The following ARMC2 variants were observed in gnomAD, a reference collection of about 807,000 sequenced individuals.
ARMC2 encodes armadillo repeat containing 2, also known as armadillo repeat-containing protein 2.
ARMC2 carries 67 observed loss-of-function variants against 90.3 expected under a neutral mutation model. The observed-to-expected ratio is 0.74, with a 90% CI of 0.61 to 0.91. ARMC2 has a LOEUF of 0.91. Ranked by LOEUF, ARMC2 falls within the 40% of genes least tolerant of loss-of-function variation. The probability of loss-of-function intolerance (pLI) is 0.00; values close to 1 mark genes in which losing one functional copy is unlikely to be tolerated. For missense variants in ARMC2, 920 were observed against 1,030.9 expected (o/e 0.89, Z 1.47); for synonymous variants, 393 against 393.0 (o/e 1.00, Z 0.00).
At chr6:108,897,525 A>T (rs543081055) in intron 6 of ARMC2, among the ~76,000 whole-genome samples, 1 of 152,186 alleles carries the variant, frequency 6.6e-6, no homozygotes, top group South Asian at 2.1e-4. Flanking sequence ...TTTGCTGCTT[A>T]GGTGATCTTG....
At chr6:109,014,006 C>CTT in the ARMC2 span, among the ~76,000 whole-genome samples, 33 of 143,540 alleles carry the variant, frequency 2.3e-4, no homozygotes, top group South Asian at 6.1e-3. Context: ...TTGCTCTATA[C>CTT]TTTTTTTTTT....
intron 7 of ARMC2, 26 bp from the exon 8 acceptor site, chr6:108,904,204 T>C (rs1442248281): frequency 7.5e-6 from 12 of 1,609,464 alleles, no homozygotes; most frequent in Non-Finnish European, 1.0e-5. Context: ...TTAGTAAGTG[T>C]TGCTTTACTC....
chr6:108,984,430 T>C, the ARMC2 span, among the ~76,000 whole-genome samples: 1 of 152,166 alleles, frequency 6.6e-6, no homozygotes, highest in African/African-American at 2.4e-5. Flanking sequence ...GCTGTGTCCT[T>C]TCATGGTAGA....
intron 6 of ARMC2, among the ~76,000 whole-genome samples, chr6:108,895,496 A>AAG (rs1177442833): frequency 2.0e-5 from 3 of 151,448 alleles, no homozygotes; most frequent in Non-Finnish European, 4.4e-5. Context: ...AAAAAAAAAA[A>AAG]AAAAAGATAA....
At chr6:108,865,260 G>A (rs917533896) in intron 3 of ARMC2, among the ~76,000 whole-genome samples, 3 of 152,162 alleles carry the variant, frequency 2.0e-5, no homozygotes, top group Non-Finnish European at 4.4e-5. Context: ...TGGGATTACA[G>A]GCATGAGCCA....
chr6:109,022,569 C>T, the ARMC2 span, among the ~76,000 whole-genome samples: 2 of 151,454 alleles, frequency 1.3e-5, no homozygotes, highest in Admixed American at 6.6e-5. Context: ...CCACCACGCC[C>T]GGCTAATTTT....
the ARMC2 span, among the ~76,000 whole-genome samples, chr6:109,037,911 T>C: frequency 7.9e-3 from 1,191 of 150,170 alleles, 21 homozygotes; most frequent in African/African-American, 0.028. Flanking sequence ...TATAATTCTA[T>C]AAGCTGACTA....
chr6:109,031,745 G>A, the ARMC2 span, among the ~76,000 whole-genome samples: 1 of 152,088 alleles, frequency 6.6e-6, no homozygotes, highest in African/African-American at 2.4e-5. Flanking sequence ...GTACATAATG[G>A]GTGATTTAGA....
the ARMC2 span, chr6:108,998,353 T>A: frequency 1.4e-6 from 1 of 723,216 alleles, no homozygotes; most frequent in East Asian, 2.7e-5. Flanking sequence ...GATGAGCATG[T>A]GAGGCAGTCA....
chr6:109,035,369 C>A, the ARMC2 span, among the ~76,000 whole-genome samples: 1 of 152,092 alleles, frequency 6.6e-6, no homozygotes, highest in African/African-American at 2.4e-5. Flanking sequence ...TTAATTTGTA[C>A]ACTACACCTC....
At chr6:108,933,729 T>A (rs116595225) in intron 11 of ARMC2, among the ~76,000 whole-genome samples, 35 of 152,320 alleles carry the variant, frequency 2.3e-4, no homozygotes, top group African/African-American at 7.9e-4. Flanking sequence ...AGATAGGGCA[T>A]CCTTGTCTTG....
rs1376319923 is a variant in ARMC2, at chr6:108,854,379, A to G, written c.112A>G (p.Arg38Gly). ...EIISEARNAL[R>G]TVRTQRPFTP... ...CATAAGTGAAGCAAGAAATGCATTA[A>G]GAACAGTTAGAACCCAAAGACCATT... The change falls in exon 2 of 18, where the codon AGA becomes GGA. Residue 38 changes from arginine to glycine, a missense_variant. Physicochemically the swap from Arg to Gly is moderately radical, Grantham distance 125. Coordinates refer to ENST00000392644, the MANE Select transcript of ARMC2 (RefSeq NM_032131.6). The G allele has an allele frequency of 6.2e-7, 1 of 1,613,348 alleles. No individual in the cohort carries two copies. The highest frequency in any genetic ancestry group is 1.7e-5 in the Admixed American group (1 of 59,960).
In ARMC2 at chr6:108,876,353, C is replaced by A. The variant is rs756634147; in HGVS notation, c.671+3C>A. 1.9e-6 allele frequency: 3 copies of A among 1,607,116 alleles called. No individual in the cohort carries two copies. In the South Asian group the frequency reaches 3.4e-5, roughly 18 times the overall value. On this transcript the variant is annotated splice_donor_region_variant and intron_variant, in intron 5 of 17. Coordinates refer to ENST00000392644, the MANE Select transcript of ARMC2 (RefSeq NM_032131.6). Reference sequence around the variant, plus strand: ...CCATCTCATCTCAAGAATGGAGGGTCAGTATTCTTTTTATTTAATTTTCTG... The same window carrying A: ...CCATCTCATCTCAAGAATGGAGGGTAAGTATTCTTTTTATTTAATTTTCTG...
chr6:108,965,029 T>C lies in ARMC2; in HGVS notation c.2335T>C (p.Cys779Arg), dbSNP rs1337507632. 6.2e-6 allele frequency: 10 copies of C among 1,613,782 alleles called. No individual in the cohort carries two copies. Among genetic ancestry groups the C allele is most frequent in the South Asian group, 1.1e-5 (1 of 91,076 alleles). ...GGGTCCTACTGATTGGCAGCTGGCC[T>C]GCTTGGTTTGTAAAACTTTATGGAA... ...DLGPTDWQLA[C>R]LVCKTLWNFS... The change falls in exon 17 of 18, where the codon TGC becomes CGC. Residue 779 changes from cysteine to arginine, a missense_variant. By Grantham distance (180) the Cys-to-Arg change is radical (BLOSUM62 -3). Transcript: ENST00000392644.
At chr6:108,936,540 G>A (rs1775978252) in intron 11 of ARMC2, among the ~76,000 whole-genome samples, 1 of 152,228 alleles carries the variant, frequency 6.6e-6, no homozygotes, top group Non-Finnish European at 1.5e-5. Context: ...ACAGGCGTGA[G>A]GCACCACGCC....
chr6:108,967,286 G>A (rs934801227), intron 17 of ARMC2, among the ~76,000 whole-genome samples: 2 of 152,186 alleles, frequency 1.3e-5, no homozygotes, highest in Non-Finnish European at 2.9e-5. Context: ...GGGCTTTCCC[G>A]CATAGGCAGC....
intron 10 of ARMC2, among the ~76,000 whole-genome samples, chr6:108,924,901 G>A (rs1298074460): frequency 6.6e-6 from 1 of 152,148 alleles, no homozygotes; most frequent in Non-Finnish European, 1.5e-5. Context: ...AGTGACGCTG[G>A]TGATGGAGAG....
At chr6:109,039,110 AGAAG>A in the ARMC2 span, among the ~76,000 whole-genome samples, 1 of 148,706 alleles carries the variant, frequency 6.7e-6, no homozygotes, top group African/African-American at 2.5e-5. Flanking sequence ...GAGGAGAAGG[AGAAG>A]GAAGGAGGAG....
intron 1 of ARMC2, 61 bp from the exon 2 acceptor site, chr6:108,854,164 C>A: frequency 1.2e-6 from 1 of 831,522 alleles, no homozygotes; most frequent in Non-Finnish European, 1.9e-6. Context: ...TGGGCTTAAG[C>A]ATTCGTTTTT....
Sources: gnomAD v4.1 joint callset for allele counts (sites outside exome capture counted in the v4.1 genomes callset) on GRCh38, gnomAD v4.1.1 for gene constraint, MANE v1.5 for transcripts, NCBI Gene and HGNC (gene_info 2026-07-23, HGNC 2026-07-21) for gene names.